Variants in SQOR observed in about 807,000 individuals in gnomAD.
SQOR encodes sulfide:quinone oxidoreductase, mitochondrial.
A neutral mutation model predicts 48.6 loss-of-function variants in SQOR; 39 were observed. The observed-to-expected ratio is 0.80, with a 90% CI of 0.62 to 1.05. The LOEUF (loss-of-function observed/expected upper bound fraction) is 1.05. SQOR is among the 50% of genes least tolerant of loss of function. The pLI is 0.00. For synonymous variants in SQOR, 220 were observed against 206.2 expected, an observed-to-expected ratio of 1.07 and a Z score of -0.57; for missense variants, 561 against 559.9, an observed-to-expected ratio of 1.00 and a Z score of -0.02.
chr15:45,667,941 C>CTTT (rs1204451548), intron 3 of SQOR, among the ~76,000 whole-genome samples: 143 of 103,266 alleles, frequency 1.4e-3, no homozygotes, highest in Non-Finnish European at 1.7e-3. Context: ...TTCTTTCTTT[C>CTTT]TTTTTTTTTT....
chr15:45,661,860 G>A, intron 2 of SQOR, 95 bp from the exon 3 acceptor site: 1 of 1,298,910 alleles, frequency 7.7e-7, no homozygotes, highest in Non-Finnish European at 1.1e-6. Flanking sequence ...AAGGTCAGGA[G>A]GGAGTGATTG....
At chr15:45,638,560 T>G (rs1367603593) in intron 1 of SQOR, among the ~76,000 whole-genome samples, 1 of 152,040 alleles carries the variant, frequency 6.6e-6, no homozygotes, top group Admixed American at 6.6e-5. Context: ...CCGTCTCTAC[T>G]AAAAATTCAA....
At chr15:45,637,831 C>G (rs1041050373) in intron 1 of SQOR, among the ~76,000 whole-genome samples, 2 of 152,216 alleles carry the variant, frequency 1.3e-5, no homozygotes, top group East Asian at 3.8e-4. Flanking sequence ...GGACCCATGA[C>G]AAGGCATTTC....
intron 2 of SQOR, among the ~76,000 whole-genome samples, chr15:45,659,758 A>G (rs930130090): frequency 1.3e-5 from 2 of 152,200 alleles, no homozygotes; most frequent in Non-Finnish European, 2.9e-5. Context: ...CCTCATCTTA[A>G]TTTGATTACA....
At chr15:45,650,276 T>C (rs931003992) in intron 1 of SQOR, among the ~76,000 whole-genome samples, 1 of 152,208 alleles carries the variant, frequency 6.6e-6, no homozygotes, top group African/African-American at 2.4e-5. Flanking sequence ...TGGTGGGTTC[T>C]TGGTCTGACT....
chr15:45,634,124 C>T (rs1242699538), upstream of SQOR, among the ~76,000 whole-genome samples: 1 of 146,042 alleles, frequency 6.8e-6, no homozygotes, highest in Non-Finnish European at 1.5e-5. Context: ...TGCAGTGAGC[C>T]GAGATTGCTC....
intron 4 of SQOR, among the ~76,000 whole-genome samples, chr15:45,671,190 T>C (rs953466850): frequency 3.9e-5 from 6 of 152,210 alleles, no homozygotes; most frequent in African/African-American, 7.2e-5. Flanking sequence ...GATGGAGTCT[T>C]GTCACCGAGG....
intron 6 of SQOR, among the ~76,000 whole-genome samples, chr15:45,677,119 C>G (rs1890051163): frequency 6.6e-6 from 1 of 151,598 alleles, no homozygotes; most frequent in African/African-American, 2.4e-5. Flanking sequence ...TTGTATGTAG[C>G]TTTTACCTAG....
chr15:45,660,249 G>A lies in SQOR; in HGVS notation c.234+1092G>A, dbSNP rs552342119. Among the ~76,000 whole-genome samples, 13 of 152,252 alleles carry A rather than the reference G, an allele frequency of 8.5e-5. No homozygotes were observed. In the South Asian group the frequency reaches 1.0e-3, roughly 12 times the overall value. On this transcript the variant is annotated intron_variant, in intron 2 of 9. Coordinates refer to ENST00000260324, the MANE Select transcript of SQOR (RefSeq NM_021199.4). ...TTCAGGGGGAGGACAGGACAAGGAA[G>A]ACATACTCCTTTTCAAGATTTGTCC...
At chr15:45,676,498 A>T (rs974391936) in intron 6 of SQOR, among the ~76,000 whole-genome samples, 188 bp downstream of exon 6, 2 of 152,168 alleles carry the variant, frequency 1.3e-5, no homozygotes, top group Non-Finnish European at 2.9e-5. Flanking sequence ...AAGATGTAAG[A>T]GGCTGTGTCA....
intron 3 of SQOR, among the ~76,000 whole-genome samples, chr15:45,669,158 A>G (rs1327839434): frequency 2.7e-5 from 4 of 146,806 alleles, no homozygotes; most frequent in Non-Finnish European, 4.5e-5. Context: ...TTTTATATAT[A>G]TATTTTTTAT....
intron 1 of SQOR, among the ~76,000 whole-genome samples, chr15:45,654,049 GA>G (rs1225920300): frequency 1.3e-5 from 2 of 150,352 alleles, no homozygotes; most frequent in Non-Finnish European, 2.9e-5. Flanking sequence ...TTGAACTCAG[GA>G]AGTGGAAGTT....
chr15:45,682,529 A>T lies in SQOR; in HGVS notation c.916A>T (p.Thr306Ser). The change falls in exon 7 of 10, where the codon ACC (threonine) becomes TCC (serine). Residue 306 changes from threonine (T) to serine (S), a missense_variant. Physicochemically the swap from Thr to Ser is moderately conservative, Grantham distance 58. Coordinates refer to ENST00000260324, the MANE Select transcript of SQOR (RefSeq NM_021199.4). ...AATGAGCCCACCAGATGTCCTCAAG[A>T]CCAGTCCTGTGGCTGATGCTGCTGG... ...PPMSPPDVLK[T>S]SPVADAAGWV... The T allele has an allele frequency of 6.2e-7, 1 of 1,614,176 alleles. No homozygotes were observed. Among genetic ancestry groups the T allele is most frequent in the Non-Finnish European group, 8.5e-7 (1 of 1,180,040 alleles).
chr15:45,673,930 T>C, intron 5 of SQOR, 129 bp downstream of exon 5: 2 of 859,474 alleles, frequency 2.3e-6, no homozygotes, highest in South Asian at 3.6e-5. Context: ...GTGTACAAAA[T>C]TAGTTAACTG....
At chr15:45,681,313 G>A (rs951590996) in intron 6 of SQOR, among the ~76,000 whole-genome samples, 1 of 152,168 alleles carries the variant, frequency 6.6e-6, no homozygotes, top group African/African-American at 2.4e-5. Flanking sequence ...CAGTTTCAAC[G>A]TTCATGAACA....
rs556943324 is a variant in SQOR, at chr15:45,686,100, C to T, written c.1049-2237C>T. On this transcript the variant is annotated intron_variant, in intron 7 of 9. Coordinates refer to ENST00000260324, the MANE Select transcript of SQOR (RefSeq NM_021199.4). ...GGCTCAAGCGATCCTCCTGCTTTGG[C>T]CTCCCAAAATGTTGGGATTATAGGC... Among the ~76,000 whole-genome samples the T allele has an allele frequency of 1.6e-3, 236 of 152,148 alleles. 1 individual carries two copies. Among genetic ancestry groups the T allele is most frequent in the African/African-American group, 5.3e-3 (222 of 41,524 alleles).
intron 1 of SQOR, among the ~76,000 whole-genome samples, chr15:45,636,634 C>T (rs1407651951): frequency 1.3e-5 from 2 of 151,974 alleles, no homozygotes; most frequent in African/African-American, 4.8e-5. Flanking sequence ...GATCTCTTGA[C>T]CTTGTGATAC....
At chr15:45,667,432 A>G (rs1283310119) in intron 3 of SQOR, among the ~76,000 whole-genome samples, 1 of 152,174 alleles carries the variant, frequency 6.6e-6, no homozygotes, top group Non-Finnish European at 1.5e-5. Context: ...CCTGTGTAAT[A>G]TGAGAATACT....
chr15:45,651,241 G>A (rs1434405639), intron 1 of SQOR, among the ~76,000 whole-genome samples: 2 of 152,220 alleles, frequency 1.3e-5, no homozygotes, highest in Non-Finnish European at 2.9e-5. Flanking sequence ...CTCCGCAGCT[G>A]CTGGCCCGTG....
Sources: allele counts gnomAD v4.1 joint callset (sites outside exome capture counted in the v4.1 genomes callset), GRCh38; gene constraint gnomAD v4.1.1; transcripts MANE v1.5; gene names NCBI Gene and HGNC (gene_info 2026-07-23, HGNC 2026-07-21).